The following LINGO2 variants were observed in gnomAD, a reference collection of about 807,000 sequenced individuals.
LINGO2 encodes the protein leucine rich repeat and Ig domain containing 2.
A neutral mutation model predicts 30.6 loss-of-function variants in LINGO2; 14 were observed. The ratio of observed to expected loss-of-function variants is 0.46; its 90% CI spans 0.30 to 0.72. LINGO2 has a LOEUF of 0.72. Ranked by LOEUF, LINGO2 falls within the 30% of genes least tolerant of loss-of-function variation. The pLI is 0.07. For missense variants in LINGO2, 729 were observed against 751.7 expected, an observed-to-expected ratio of 0.97 and a Z score of 0.35; for synonymous variants, 317 against 288.5, an observed-to-expected ratio of 1.10 and a Z score of -1.00.
chr9:28,492,944 CAGA>C (rs758403463), intron 1 of LINGO2, among the ~76,000 whole-genome samples: 2 of 152,104 alleles, frequency 1.3e-5, no homozygotes, highest in African/African-American at 2.4e-5. Flanking sequence ...CAAAAATTTA[CAGA>C]AGTGTTAACC....
intron 3 of LINGO2, among the ~76,000 whole-genome samples, chr9:28,302,680 T>C (rs1824194250): frequency 6.6e-6 from 1 of 152,080 alleles, no homozygotes; most frequent in South Asian, 2.1e-4. Context: ...CAAATATATA[T>C]ATTATAACCC....
At chr9:29,059,285 C>T in the LINGO2 span, among the ~76,000 whole-genome samples, 19 of 151,122 alleles carry the variant, frequency 1.3e-4, no homozygotes, top group Middle Eastern at 3.2e-3. Context: ...AAAATGTATA[C>T]GGAAATAAAA....
At chr9:28,406,368 G>A (rs1356908992) in intron 2 of LINGO2, among the ~76,000 whole-genome samples, 1 of 152,020 alleles carries the variant, frequency 6.6e-6, no homozygotes, top group Non-Finnish European at 1.5e-5. Context: ...AGGGGGCAGA[G>A]GTTGCAGTGA....
intron 4 of LINGO2, among the ~76,000 whole-genome samples, chr9:28,121,597 C>T (rs1381482780): frequency 4.6e-5 from 7 of 152,112 alleles, no homozygotes; most frequent in Admixed American, 2.0e-4. Context: ...TAAATGAAAT[C>T]AGCCGGGTCT....
chr9:28,814,913 G>T, the LINGO2 span, among the ~76,000 whole-genome samples: 1 of 152,146 alleles, frequency 6.6e-6, no homozygotes, highest in African/African-American at 2.4e-5. Flanking sequence ...TGGTAAGGGG[G>T]CCTAGATAAG....
At chr9:28,727,614 C>A in the LINGO2 span, among the ~76,000 whole-genome samples, 1 of 150,322 alleles carries the variant, frequency 6.7e-6, no homozygotes, top group Admixed American at 7.0e-5. Flanking sequence ...ACTTTTGTCA[C>A]CACTGGTCTT....
chr9:28,102,093 G>T (rs751161929), intron 4 of LINGO2, among the ~76,000 whole-genome samples: 24 of 151,868 alleles, frequency 1.6e-4, no homozygotes, highest in Non-Finnish European at 1.6e-4. Context: ...CAGAGACCAC[G>T]TTGGAATCAA....
the LINGO2 span, among the ~76,000 whole-genome samples, chr9:29,072,337 G>A: frequency 1.1e-4 from 17 of 151,756 alleles, no homozygotes; most frequent in Admixed American, 2.0e-4. Flanking sequence ...GAACGACAGC[G>A]AATGGAAACA....
intron 4 of LINGO2, among the ~76,000 whole-genome samples, chr9:28,188,025 T>C (rs1819604286): frequency 6.6e-6 from 1 of 152,216 alleles, no homozygotes; most frequent in South Asian, 2.1e-4. Context: ...TTGTAATTAG[T>C]TGCTCTTTAG....
chr9:29,163,433 A>G, the LINGO2 span, among the ~76,000 whole-genome samples: 4 of 152,194 alleles, frequency 2.6e-5, no homozygotes, highest in African/African-American at 9.6e-5. Flanking sequence ...GTTGATATAG[A>G]AAAACAATGA....
the LINGO2 span, among the ~76,000 whole-genome samples, chr9:29,052,121 T>C: frequency 6.6e-6 from 1 of 152,140 alleles, no homozygotes; most frequent in Admixed American, 6.6e-5. Context: ...TCTCCATAAA[T>C]AAATAACAAT....
chr9:28,821,491 A>C, the LINGO2 span, among the ~76,000 whole-genome samples: 1 of 152,244 alleles, frequency 6.6e-6, no homozygotes, highest in Non-Finnish European at 1.5e-5. Context: ...GAAATTTGCA[A>C]AAATGAGCAA....
chr9:29,191,951 A>G, the LINGO2 span, among the ~76,000 whole-genome samples: 1 of 152,090 alleles, frequency 6.6e-6, no homozygotes, highest in Non-Finnish European at 1.5e-5. Flanking sequence ...AGGATTATGT[A>G]AGTATCTCCA....
rs549678571 is a variant in LINGO2, at chr9:27,972,976, C to T, written c.-35-22270G>A. On this transcript the variant is annotated intron_variant, in intron 5 of 5. Transcript: ENST00000379992. ...ACAAGGCTGAAAAAAAGCAAATTTT[C>T]TCTCCCTCTCTTCTTGAGCTGAGAC... is the stretch of plus-strand genomic sequence containing the variant. Among the ~76,000 whole-genome samples, 4 of 152,298 alleles carry T rather than the reference C, an allele frequency of 2.6e-5. No homozygotes were observed. The South Asian group carries it at 8.3e-4, about 32-fold the overall frequency.
intron 5 of LINGO2, among the ~76,000 whole-genome samples, chr9:27,996,408 G>A (rs1409844749): frequency 1.3e-5 from 2 of 152,048 alleles, no homozygotes; most frequent in Non-Finnish European, 2.9e-5. Context: ...GGACAAATAG[G>A]TAAAAAATGT....
chr9:28,531,048 A>AT (rs1554733107), intron 1 of LINGO2, among the ~76,000 whole-genome samples: 2 of 146,454 alleles, frequency 1.4e-5, no homozygotes, highest in African/African-American at 5.0e-5. Flanking sequence ...TATAAAAATA[A>AT]ATATATATAT....
chr9:28,693,369 A>T, the LINGO2 span, among the ~76,000 whole-genome samples: 10 of 152,154 alleles, frequency 6.6e-5, no homozygotes, highest in African/African-American at 2.4e-4. Context: ...TCATTCAGTG[A>T]TTTAATCATT....
chr9:29,002,201 A>G, the LINGO2 span, among the ~76,000 whole-genome samples: 44 of 152,106 alleles, frequency 2.9e-4, no homozygotes, highest in African/African-American at 1.0e-3. Context: ...CAATATCTTC[A>G]TTACTGCTTA....
At chr9:28,589,176 A>T (rs981030585) in intron 1 of LINGO2, among the ~76,000 whole-genome samples, 10 of 152,138 alleles carry the variant, frequency 6.6e-5, no homozygotes, top group African/African-American at 2.4e-4. Flanking sequence ...TATCTATGAC[A>T]ATCCCACAGC....
Sources: gnomAD v4.1 joint callset for allele counts (sites outside exome capture counted in the v4.1 genomes callset) on GRCh38, gnomAD v4.1.1 for gene constraint, MANE v1.5 for transcripts, NCBI Gene and HGNC (gene_info 2026-07-23, HGNC 2026-07-21) for gene names.